PDE4D: variants seen among roughly 807,000 people sequenced by gnomAD.
The protein encoded by PDE4D is 3',5'-cyclic-AMP phosphodiesterase 4D.
PDE4D carries 24 observed loss-of-function variants against 87.4 expected under a neutral mutation model. The observed-to-expected ratio is 0.27, with a 90% CI of 0.20 to 0.39. The LOEUF (loss-of-function observed/expected upper bound fraction) is 0.39. PDE4D is among the 10% of genes least tolerant of loss of function. PDE4D has a pLI of 1.00. For missense variants in PDE4D, 714 were observed against 1,041.0 expected, an observed-to-expected ratio of 0.69 and a Z score of 4.32; for synonymous variants, 384 against 383.2, an observed-to-expected ratio of 1.00 and a Z score of -0.02.
intron 1 of PDE4D, among the ~76,000 whole-genome samples, chr5:60,350,131 C>T (rs74930336): frequency 0.02 from 3,043 of 152,208 alleles, 51 homozygotes; most frequent in Non-Finnish European, 0.031. Context: ...CTTCAAAATA[C>T]CACAGGAGTT....
intron 1 of PDE4D, among the ~76,000 whole-genome samples, chr5:59,799,407 A>G (rs6450531): frequency 0.62 from 94,321 of 152,102 alleles, 30,942 homozygotes; most frequent in African/African-American, 0.83. Context: ...TGAGAAACAG[A>G]ACTTGACTTA....
At chr5:60,042,366 G>A (rs1014550648) in intron 2 of PDE4D, among the ~76,000 whole-genome samples, 11 of 152,302 alleles carry the variant, frequency 7.2e-5, no homozygotes, top group South Asian at 2.1e-4. Context: ...GCCTGTAGGC[G>A]CTGCTTCAGC....
intron 1 of PDE4D, among the ~76,000 whole-genome samples, chr5:59,535,861 G>A (rs1815112169): frequency 6.6e-6 from 1 of 152,178 alleles, no homozygotes; most frequent in African/African-American, 2.4e-5. Context: ...TAAATGGCAG[G>A]TCCTGGAAAT....
intron 3 of PDE4D, among the ~76,000 whole-genome samples, chr5:59,955,660 C>G (rs941155470): frequency 6.6e-6 from 1 of 152,164 alleles, no homozygotes; most frequent in African/African-American, 2.4e-5. Context: ...CAAGAGCCAG[C>G]TATAAGGATT....
intron 1 of PDE4D, among the ~76,000 whole-genome samples, chr5:60,394,555 A>G (rs763909151): frequency 1.3e-5 from 2 of 152,182 alleles, no homozygotes; most frequent in Non-Finnish European, 2.9e-5. Flanking sequence ...CACTAATATA[A>G]CATTTTATTT....
intron 5 of PDE4D, among the ~76,000 whole-genome samples, chr5:59,126,095 T>A (rs1430840658): frequency 7.0e-5 from 9 of 127,840 alleles, no homozygotes; most frequent in African/African-American, 6.1e-5. Flanking sequence ...AGTACAATTG[T>A]AAAAAAAAAA....
chr5:59,789,960 G>C (rs186963231), intron 1 of PDE4D, among the ~76,000 whole-genome samples: 17 of 152,344 alleles, frequency 1.1e-4, no homozygotes, highest in Non-Finnish European at 1.9e-4. Context: ...TGAAAAGCAG[G>C]AAGAGTTCTT....
chr5:60,190,549 C>T (rs1785118232), intron 1 of PDE4D, among the ~76,000 whole-genome samples: 1 of 152,128 alleles, frequency 6.6e-6, no homozygotes, highest in South Asian at 2.1e-4. Flanking sequence ...GCTATAGAAT[C>T]TGAGATTTAG....
intron 3 of PDE4D, among the ~76,000 whole-genome samples, chr5:59,961,641 T>C (rs1288812934): frequency 6.6e-6 from 1 of 152,062 alleles, no homozygotes; most frequent in African/African-American, 2.4e-5. Flanking sequence ...AATAAATAAA[T>C]AAGCAAAATA....
At chr5:59,759,148 A>G (rs1286722996) in intron 1 of PDE4D, among the ~76,000 whole-genome samples, 1 of 152,122 alleles carries the variant, frequency 6.6e-6, no homozygotes, top group Non-Finnish European at 1.5e-5. Context: ...GTAGCTTTCT[A>G]TCTAAGAAAA....
At chr5:60,256,980 T>G (rs1252878756) in intron 1 of PDE4D, among the ~76,000 whole-genome samples, 3 of 151,918 alleles carry the variant, frequency 2.0e-5, no homozygotes, top group Non-Finnish European at 4.4e-5. Flanking sequence ...GATATGTTAA[T>G]TAGCTGGAAT....
chr5:60,310,069 T>A (rs1754867495), intron 1 of PDE4D, among the ~76,000 whole-genome samples: 1 of 152,258 alleles, frequency 6.6e-6, no homozygotes, highest in Non-Finnish European at 1.5e-5. Flanking sequence ...CTTGGAGAAG[T>A]AGGAAAGAAT....
chr5:59,696,386 C>T (rs1751780877), intron 1 of PDE4D, among the ~76,000 whole-genome samples: 1 of 152,176 alleles, frequency 6.6e-6, no homozygotes, highest in Admixed American at 6.6e-5. Flanking sequence ...GACTACACAT[C>T]CTGGCCCACA....
intron 1 of PDE4D, among the ~76,000 whole-genome samples, chr5:59,424,538 GAAGA>G (rs1794925411): frequency 6.6e-6 from 1 of 152,152 alleles, no homozygotes; most frequent in African/African-American, 2.4e-5. Flanking sequence ...AAGCAAAGGG[GAAGA>G]AAGGCATCTT....
At chr5:59,425,577 C>T (rs944012666) in intron 1 of PDE4D, among the ~76,000 whole-genome samples, 3 of 152,114 alleles carry the variant, frequency 2.0e-5, no homozygotes, top group African/African-American at 7.2e-5. Context: ...TTAATACCTC[C>T]ACTCCTCTTG....
intron 1 of PDE4D, among the ~76,000 whole-genome samples, chr5:60,444,153 GTTTC>G: frequency 6.6e-6 from 1 of 152,118 alleles, no homozygotes; most frequent in East Asian, 1.9e-4. Flanking sequence ...TTCAAATGTG[GTTTC>G]TTAATAAATG....
At chr5:60,012,963 T>C (rs2152846037) in intron 2 of PDE4D, among the ~76,000 whole-genome samples, 1 of 152,290 alleles carries the variant, frequency 6.6e-6, no homozygotes, top group South Asian at 2.1e-4. Flanking sequence ...GGCTCCAAAC[T>C]ACCAAATTTT....
chr5:59,211,837 T>A (rs1750150086), intron 2 of PDE4D, among the ~76,000 whole-genome samples: 1 of 152,132 alleles, frequency 6.6e-6, no homozygotes, highest in Non-Finnish European at 1.5e-5. Flanking sequence ...GATGACGATA[T>A]CCTATCTACT....
chr5:60,504,335 GTT>G (rs566374395), intron 1 of PDE4D, among the ~76,000 whole-genome samples: 2,883 of 144,570 alleles, frequency 0.02, 81 homozygotes, highest in African/African-American at 0.07. Context: ...TTCTTTTAAG[GTT>G]TTTTTTTTTA....
Sources: gnomAD v4.1 joint callset for allele counts (sites outside exome capture counted in the v4.1 genomes callset) on GRCh38, gnomAD v4.1.1 for gene constraint, MANE v1.5 for transcripts, NCBI Gene and HGNC (gene_info 2026-07-23, HGNC 2026-07-21) for gene names.